The following CLEC2A variants were observed in gnomAD, a reference collection of about 807,000 sequenced individuals.
CLEC2A encodes the protein C-type lectin domain family 2 member A, also known as keratinocyte-associated C-type lectin.
Under a neutral mutation model 18.6 loss-of-function variants are expected in CLEC2A, and 19 were observed. The ratio of observed to expected loss-of-function variants is 1.02; its 90% CI spans 0.71 to 1.50. The LOEUF (loss-of-function observed/expected upper bound fraction) is 1.50, where lower values mean the gene tolerates loss of function less well. Ranked by LOEUF, CLEC2A falls within the 40% of genes most tolerant of loss-of-function variation. The probability of loss-of-function intolerance (pLI) is 0.00; values close to 1 mark genes in which losing one functional copy is unlikely to be tolerated. For synonymous variants in CLEC2A, 74 were observed against 64.0 expected (o/e 1.16, Z -0.75); for missense variants, 190 against 207.9 (o/e 0.91, Z 0.53).
At position 9,913,712 on chromosome 12, in the gene CLEC2A, A is replaced by G. The variant is rs1235007610; in HGVS notation, c.411-32T>C. 2.2e-6 allele frequency: 3 copies of G among 1,358,662 alleles called. No individual in the cohort carries two copies. The South Asian group carries it at 3.9e-5, about 18-fold the overall frequency. 84.2% of individuals were successfully genotyped at this position (1,358,662 alleles called of 1,614,324 possible). ...AAGAACACTCTAAATCAGTCTGGGA[A>G]CCACTTACGGCTGTAATCAAAAAGA... On this transcript the variant is annotated intron_variant, in intron 4 of 4. Transcript: ENST00000455827.
chr12:9,908,631 A>T (rs1025376648), downstream of CLEC2A, among the ~76,000 whole-genome samples: 6 of 152,036 alleles, frequency 3.9e-5, no homozygotes, highest in Non-Finnish European at 8.8e-5. Flanking sequence ...GGCCCCCCCT[A>T]TTCTTCCTCA....
exon 5 of CLEC2A, chr12:9,898,909 T>C: frequency 1.4e-6 from 1 of 715,766 alleles, no homozygotes; most frequent in Non-Finnish European, 2.6e-6. Flanking sequence ...GAGGCCTATC[T>C]AAGGGGTCCC....
chr12:9,922,727 A>G (rs1166044441), intron 2 of CLEC2A, among the ~76,000 whole-genome samples: 2 of 152,240 alleles, frequency 1.3e-5, no homozygotes, highest in African/African-American at 4.8e-5. Context: ...GTGCTGAAGA[A>G]TATGGAATAA....
intron 4 of CLEC2A, among the ~76,000 whole-genome samples, chr12:9,902,918 C>T (rs974276533): frequency 3.3e-5 from 5 of 152,014 alleles, no homozygotes; most frequent in East Asian, 1.9e-4. Context: ...AAGGTAGACA[C>T]GTGTTGGGGG....
rs951972429 is a variant in CLEC2A, at chr12:9,905,523, A to G, written c.411-6547T>C. 2.6e-5 allele frequency among the ~76,000 whole-genome samples: 4 copies of G among 152,162 alleles called. No homozygotes were observed. The South Asian group carries it at 8.3e-4, about 32-fold the overall frequency. ...GTGTAAATAAGGCAACCCATATAGTATTTCATAAGGAGATAAGCCAATATA... is the reference window on the plus strand; with the variant it reads ...GTGTAAATAAGGCAACCCATATAGTGTTTCATAAGGAGATAAGCCAATATA... On this transcript the variant is annotated intron_variant, in intron 4 of 4. Transcript: ENST00000339766.
Position 9,932,324 on chromosome 12 carries a change from A to AT in CLEC2A, c.5_6insA (p.Asn3Ter). On this transcript the variant is annotated frameshift_variant, in exon 1 of 5. Coordinates refer to ENST00000455827, the MANE Select transcript of CLEC2A (RefSeq NM_001130711.2). LOFTEE classifies it high-confidence loss of function. ...CTCTGCCATCCCGCAGCTCTGGATT[A>AT]ATCATGGCAAGGCGCTAACCGATGG... is the stretch of plus-strand genomic sequence containing the variant. The AT allele has an allele frequency of 6.4e-7, 1 of 1,552,020 alleles. No homozygotes were observed. Among genetic ancestry groups the AT allele is most frequent in the Non-Finnish European group, 8.7e-7 (1 of 1,146,992 alleles).
chr12:9,886,205 A>G, the CLEC2A span, among the ~76,000 whole-genome samples: 1 of 152,260 alleles, frequency 6.6e-6, no homozygotes, highest in East Asian at 1.9e-4. Flanking sequence ...ATTAGTAACA[A>G]TTACAATATG....
chr12:9,887,436 G>A, the CLEC2A span, among the ~76,000 whole-genome samples: 1 of 152,146 alleles, frequency 6.6e-6, no homozygotes, highest in East Asian at 1.9e-4. Flanking sequence ...CTGGAGCAAT[G>A]CCTTCAAAGT....
At chr12:9,916,098 T>A (rs1591791520) in intron 4 of CLEC2A, among the ~76,000 whole-genome samples, 1 of 151,564 alleles carries the variant, frequency 6.6e-6, no homozygotes, top group Non-Finnish European at 1.5e-5. Flanking sequence ...AAAATAAATA[T>A]AATATTGCTT....
the CLEC2A span, among the ~76,000 whole-genome samples, chr12:9,890,220 A>C: frequency 6.6e-6 from 1 of 152,210 alleles, no homozygotes; most frequent in East Asian, 1.9e-4. Flanking sequence ...TAACTCCTGC[A>C]TTTGTTTTTG....
chr12:9,913,287 GATGGT>G lies in CLEC2A; in HGVS notation c.*274_*278del, dbSNP rs1170911807. The G allele has an allele frequency of 2.8e-6, 1 of 350,918 alleles. No individual in the cohort carries two copies. Among genetic ancestry groups the G allele is most frequent in the Non-Finnish European group, 4.7e-6 (1 of 211,988 alleles). 21.7% of individuals were successfully genotyped at this position (350,918 alleles called of 1,614,324 possible). On this transcript the variant is annotated 3_prime_UTR_variant, in exon 5 of 5. Transcript: ENST00000455827. ...TAAATTGAAAGCTAATCACCAGTGT[GATGGT>G]ATTAGGGGATGGAGCCATCCATCAG...
intron 4 of CLEC2A, among the ~76,000 whole-genome samples, chr12:9,908,099 G>A (rs374227143): frequency 3.9e-5 from 6 of 152,258 alleles, no homozygotes; most frequent in South Asian, 2.1e-4. Flanking sequence ...TTTAAATTAC[G>A]GGCCTCAAGC....
chr12:9,880,145 T>C, the CLEC2A span, among the ~76,000 whole-genome samples: 5 of 152,344 alleles, frequency 3.3e-5, no homozygotes, highest in Admixed American at 3.3e-4. Context: ...GTCTTCCCAC[T>C]GAACAGAAGT....
intron 4 of CLEC2A, among the ~76,000 whole-genome samples, chr12:9,905,567 G>C (rs189219914): frequency 3.1e-4 from 47 of 152,288 alleles, no homozygotes; most frequent in Non-Finnish European, 4.1e-4. Flanking sequence ...GGGCAGTTCA[G>C]TTTCATAACA....
chr12:9,902,616 C>A (rs1862848192), intron 4 of CLEC2A, among the ~76,000 whole-genome samples: 1 of 149,790 alleles, frequency 6.7e-6, no homozygotes, highest in South Asian at 2.1e-4. Flanking sequence ...AAGCTTTGTT[C>A]TTTCGCTCTT....
the CLEC2A span, among the ~76,000 whole-genome samples, chr12:9,884,389 G>A: frequency 6.6e-6 from 1 of 151,558 alleles, no homozygotes; most frequent in African/African-American, 2.4e-5. Context: ...ACAGGTGTAA[G>A]GTGAAATAAA....
chr12:9,899,255 A>C (rs2137011010), intron 4 of CLEC2A, among the ~76,000 whole-genome samples: 1 of 152,224 alleles, frequency 6.6e-6, no homozygotes, highest in South Asian at 2.1e-4. Context: ...ATCTGAGGGG[A>C]GTGTCCCATA....
chr12:9,882,088 A>C, the CLEC2A span, among the ~76,000 whole-genome samples: 1 of 152,196 alleles, frequency 6.6e-6, no homozygotes, highest in Admixed American at 6.5e-5. Flanking sequence ...AGAACAATCT[A>C]CTGGGAATGC....
At chr12:9,885,745 C>A in the CLEC2A span, among the ~76,000 whole-genome samples, 2 of 151,908 alleles carry the variant, frequency 1.3e-5, no homozygotes, top group Non-Finnish European at 2.9e-5. Flanking sequence ...TGTATTTTTT[C>A]TCTAAATATC....
Sources: allele counts gnomAD v4.1 joint callset (sites outside exome capture counted in the v4.1 genomes callset), GRCh38; gene constraint gnomAD v4.1.1; transcripts MANE v1.5; gene names NCBI Gene and HGNC (gene_info 2026-07-23, HGNC 2026-07-21).